FRMD3: variants seen among roughly 807,000 people sequenced by gnomAD.
The protein encoded by FRMD3 is FERM domain-containing protein 3.
A neutral mutation model predicts 70.2 loss-of-function variants in FRMD3; 33 were observed. The observed-to-expected ratio is 0.47, with a 90% CI of 0.36 to 0.63. The LOEUF is 0.63. Ranked by LOEUF, FRMD3 falls within the 20% of genes least tolerant of loss-of-function variation. FRMD3 has a pLI of 0.00. For missense variants in FRMD3, 632 were observed against 711.4 expected (o/e 0.89, Z 1.27); for synonymous variants, 279 against 255.9 (o/e 1.09, Z -0.86).
At chr9:83,585,086 C>G in the FRMD3 span, among the ~76,000 whole-genome samples, 3 of 152,170 alleles carry the variant, frequency 2.0e-5, no homozygotes, top group South Asian at 6.2e-4. Flanking sequence ...ACTGGCAAAC[C>G]CTGAGTCCTG....
intron 1 of FRMD3, among the ~76,000 whole-genome samples, chr9:83,473,343 A>G (rs1401005571): frequency 6.6e-6 from 1 of 152,166 alleles, no homozygotes; most frequent in Non-Finnish European, 1.5e-5. Flanking sequence ...CCACAGAATC[A>G]TTCCACATGA....
At position 83,309,804 on chromosome 9, in the gene FRMD3, C is replaced by T. The variant is rs566553715; in HGVS notation, c.838-180G>A. On this transcript the variant is annotated intron_variant, in intron 9 of 13. Transcript: ENST00000304195. ...ATTAACATGGTATTCACCCCTCCCTCACCCTTTGCAGATATCACTAATGTA... is the reference window on the plus strand; with the variant it reads ...ATTAACATGGTATTCACCCCTCCCTTACCCTTTGCAGATATCACTAATGTA... Among the ~76,000 whole-genome samples, 9 of 152,172 alleles carry T rather than the reference C, an allele frequency of 5.9e-5. No individual in the cohort carries two copies. In the South Asian group the frequency reaches 1.9e-3, roughly 32 times the overall value.
intron 4 of FRMD3, among the ~76,000 whole-genome samples, chr9:83,345,253 G>A (rs574879780): frequency 6.6e-6 from 1 of 151,628 alleles, no homozygotes; most frequent in African/African-American, 2.4e-5. Context: ...GTGTGCAGAG[G>A]ATAAAGGCAG....
chr9:83,452,084 T>A (rs1308220367), intron 1 of FRMD3, among the ~76,000 whole-genome samples: 6 of 152,228 alleles, frequency 3.9e-5, no homozygotes, highest in Non-Finnish European at 8.8e-5. Context: ...TCTGGGCTCT[T>A]AGAACTTTCC....
chr9:83,318,296 T>A (rs1009362121), intron 6 of FRMD3, among the ~76,000 whole-genome samples: 2 of 152,170 alleles, frequency 1.3e-5, no homozygotes, highest in African/African-American at 4.8e-5. Flanking sequence ...CTCCTCTATA[T>A]GCCCATGCGT....
At chr9:83,349,548 A>G (rs1355824499) in intron 4 of FRMD3, 131 bp downstream of exon 4, 2 of 601,206 alleles carry the variant, frequency 3.3e-6, no homozygotes, top group Non-Finnish European at 5.8e-6. Flanking sequence ...ATTCCAAGCA[A>G]AAACGCTGAA....
intron 13 of FRMD3, among the ~76,000 whole-genome samples, chr9:83,274,379 C>CAGTT (rs35094738): frequency 0.21 from 31,851 of 151,848 alleles, 3,883 homozygotes; most frequent in African/African-American, 0.34. Context: ...TTTAAACTGA[C>CAGTT]AGAAAGAGGT....
At chr9:83,459,422 G>C (rs774822981) in intron 1 of FRMD3, among the ~76,000 whole-genome samples, 2 of 152,152 alleles carry the variant, frequency 1.3e-5, no homozygotes, top group Non-Finnish European at 2.9e-5. Context: ...GCCATGTCTG[G>C]GTGGACCATT....
At chr9:83,297,144 A>AT (rs1794933979) in intron 12 of FRMD3, among the ~76,000 whole-genome samples, 1 of 152,186 alleles carries the variant, frequency 6.6e-6, no homozygotes, top group African/African-American at 2.4e-5. Context: ...AAAAAGCCTT[A>AT]TTTTTTGGAA....
At chr9:83,243,135 C>T (rs774896256), downstream of FRMD3, 130 of 1,511,610 alleles carry the variant, frequency 8.6e-5, no homozygotes, top group Non-Finnish European at 1.1e-4. Context: ...CAGTCACAGA[C>T]GGAGGCTGGA....
intron 1 of FRMD3, among the ~76,000 whole-genome samples, chr9:83,399,494 T>TTTC (rs10701270): frequency 0.71 from 106,946 of 151,468 alleles, 38,111 homozygotes; most frequent in Admixed American, 0.77. Flanking sequence ...TCTCCATCTT[T>TTTC]TTCTTCTTCT....
At chr9:83,534,103 G>A (rs1829843591) in intron 1 of FRMD3, among the ~76,000 whole-genome samples, 1 of 152,104 alleles carries the variant, frequency 6.6e-6, no homozygotes, top group Non-Finnish European at 1.5e-5. Flanking sequence ...CAGACTTCAG[G>A]GGTTGGCTCA....
intron 6 of FRMD3, among the ~76,000 whole-genome samples, chr9:83,332,917 G>T (rs1046838789): frequency 4.6e-5 from 7 of 152,170 alleles, no homozygotes; most frequent in African/African-American, 1.7e-4. Context: ...CTCCATCCAT[G>T]ACTCCTTCCT....
intron 12 of FRMD3, among the ~76,000 whole-genome samples, chr9:83,293,452 G>C (rs1032407892): frequency 1.3e-5 from 2 of 152,158 alleles, no homozygotes; most frequent in African/African-American, 2.4e-5. Flanking sequence ...ACTGGCTGCT[G>C]TTCCTATCCC....
intron 3 of FRMD3, among the ~76,000 whole-genome samples, chr9:83,352,414 G>A (rs759709631): frequency 9.9e-5 from 15 of 152,198 alleles, no homozygotes; most frequent in Non-Finnish European, 1.9e-4. Context: ...AATAAGCATC[G>A]GAGCTCCTCA....
At chr9:83,551,213 T>C in the FRMD3 span, among the ~76,000 whole-genome samples, 1 of 152,330 alleles carries the variant, frequency 6.6e-6, no homozygotes, top group East Asian at 1.9e-4. Flanking sequence ...CAAAAGCCTT[T>C]TCTGCATCTA....
chr9:83,485,903 C>A (rs1482990451), intron 1 of FRMD3, among the ~76,000 whole-genome samples: 1 of 151,792 alleles, frequency 6.6e-6, no homozygotes, highest in Non-Finnish European at 1.5e-5. Context: ...TTCTTAAAAA[C>A]CTTCAAAAAA....
intron 6 of FRMD3, among the ~76,000 whole-genome samples, chr9:83,318,389 AG>A (rs1835664068): frequency 6.6e-6 from 1 of 152,196 alleles, no homozygotes; most frequent in Admixed American, 6.6e-5. Context: ...TAAGGATAAT[AG>A]CCTCTGCTTC....
chr9:83,250,099 C>T (rs764723715), intron 13 of FRMD3, among the ~76,000 whole-genome samples: 5 of 152,162 alleles, frequency 3.3e-5, no homozygotes, highest in African/African-American at 4.8e-5. Flanking sequence ...CCCAGGTTCT[C>T]GCATTGGGAC....
Sources: gnomAD v4.1 joint callset for allele counts (sites outside exome capture counted in the v4.1 genomes callset) on GRCh38, gnomAD v4.1.1 for gene constraint, MANE v1.5 for transcripts, NCBI Gene and HGNC (gene_info 2026-07-23, HGNC 2026-07-21) for gene names.